The following MRM3 variants were observed in gnomAD, a reference collection of about 807,000 sequenced individuals.
MRM3 encodes mitochondrial rRNA methyltransferase 3, also known as rRNA methyltransferase 3, mitochondrial.
A neutral mutation model predicts 29.4 loss-of-function variants in MRM3; 26 were observed. The observed-to-expected ratio is 0.89, with a 90% CI of 0.65 to 1.23. The LOEUF is 1.23. Among genes scored for constraint, MRM3 ranks in the 50% most tolerant of loss-of-function variants. MRM3 has a pLI of 0.00. For synonymous variants in MRM3, 225 were observed against 219.0 expected (o/e 1.03, Z -0.24); for missense variants, 578 against 540.2 (o/e 1.07, Z -0.69).
intron 2 of MRM3, among the ~76,000 whole-genome samples, chr17:786,680 A>AT (rs1471573807): frequency 2.6e-5 from 4 of 152,058 alleles, no homozygotes; most frequent in Non-Finnish European, 5.9e-5. Flanking sequence ...AAGTGCTGGG[A>AT]TTATAGGCAT....
Position 792,041 on chromosome 17 carries a change from A to C in MRM3, c.1235A>C (p.Asp412Ala). ...AGACAGCTGCGGGGGAGGGCGGAGG[A>C]CTTGAGCAGGGACAGGAGTTACCAC... is the stretch of plus-strand genomic sequence containing the variant. ...GKRQLRGRAE[D>A]LSRDRSYH The change falls in exon 4 of 4, where the codon GAC becomes GCC. Residue 412 changes from aspartate (D) to alanine (A), a missense_variant. Asp to Ala is a moderately radical substitution (Grantham distance 126). Coordinates refer to ENST00000304478, the MANE Select transcript of MRM3 (RefSeq NM_018146.4). 6.2e-7 allele frequency: 1 copy of C among 1,610,450 alleles called. No homozygotes were observed. The highest frequency in any genetic ancestry group is 8.5e-7 in the Non-Finnish European group (1 of 1,178,268).
At chr17:791,506 T>C in intron 3 of MRM3, 28 bp from the exon 4 acceptor site, 2 of 1,601,422 alleles carry the variant, frequency 1.2e-6, no homozygotes, top group Non-Finnish European at 1.7e-6. Flanking sequence ...ATTTGTAACA[T>C]CTTGATTGTT....
chr17:782,453 C>G lies in MRM3; in HGVS notation c.75C>G (p.Asp25Glu). ...AGGTGGTCCAGGCTTGGGACCTTGA[C>G]GCGAGGCGCTGGGTCCGGGCGCTGC... The part of the protein sequence containing the change: ...LLQVVQAWDL[D>E]ARRWVRALRR... Residue 25 changes from aspartate to glutamate, a missense_variant, in exon 1 of 4, where the codon GAC becomes GAG. Transcript: ENST00000304478. 6.2e-7 allele frequency: 1 copy of G among 1,613,900 alleles called. No homozygotes were observed. Among genetic ancestry groups the G allele is most frequent in the Non-Finnish European group, 8.5e-7 (1 of 1,179,928 alleles).
Position 782,550 on chromosome 17 carries a change from C to T in MRM3, c.172C>T (p.Pro58Ser). Reference sequence around the variant, plus strand: ...ACAGAAGCGCGCTCCTGGGAAGCAGCCCCGCAAGGCACCATCTGAGGCCAG... The same window carrying T: ...ACAGAAGCGCGCTCCTGGGAAGCAGTCCCGCAAGGCACCATCTGAGGCCAG... ...VEQKRAPGKQPRKAPSEASAQ... is the reference protein window; with the variant it reads ...VEQKRAPGKQSRKAPSEASAQ... Residue 58 changes from proline (P) to serine (S), a missense_variant, in exon 1 of 4, where the codon CCC becomes TCC. Coordinates refer to ENST00000304478, the MANE Select transcript of MRM3 (RefSeq NM_018146.4). 6.2e-7 allele frequency: 1 copy of T among 1,613,876 alleles called. No individual in the cohort carries two copies. Among genetic ancestry groups the T allele is most frequent in the Non-Finnish European group, 8.5e-7 (1 of 1,179,806 alleles).
At chr17:786,287 T>C (rs1910531125) in intron 2 of MRM3, among the ~76,000 whole-genome samples, 1 of 152,018 alleles carries the variant, frequency 6.6e-6, no homozygotes, top group Non-Finnish European at 1.5e-5. Flanking sequence ...TTTGTTTGTT[T>C]GTTTGAGACG....
At chr17:782,716 G>C in intron 1 of MRM3, 24 bp downstream of exon 1, 8 of 1,570,938 alleles carry the variant, frequency 5.1e-6, no homozygotes, top group Non-Finnish European at 6.9e-6. Context: ...TGAGCCTGTC[G>C]AATGTTCTCG....
At chr17:785,359 T>C (rs1910484899) in intron 2 of MRM3, among the ~76,000 whole-genome samples, 1 of 152,096 alleles carries the variant, frequency 6.6e-6, no homozygotes, top group Non-Finnish European at 1.5e-5. Context: ...ATAAATTCTT[T>C]CCATAAAACT....
intron 1 of MRM3, 39 bp downstream of exon 1, chr17:782,731 C>A: frequency 6.4e-7 from 1 of 1,555,756 alleles, no homozygotes; most frequent in South Asian, 1.2e-5. Context: ...TTCTCGTTTC[C>A]CTTCCCGTCG....
chr17:791,205 T>C (rs1910804260), intron 3 of MRM3, among the ~76,000 whole-genome samples: 1 of 152,188 alleles, frequency 6.6e-6, no homozygotes, highest in African/African-American at 2.4e-5. Context: ...TTACTGATAC[T>C]GTAGCCATCT....
rs1453504904 is a variant in MRM3 at position 792,193 on chromosome 17, TAC to T, written c.*126_*127del. On this transcript the variant is annotated 3_prime_UTR_variant, in exon 4 of 4. Coordinates refer to ENST00000304478, the MANE Select transcript of MRM3 (RefSeq NM_018146.4). ...TCAGGAGGAAGGTGTGATGCCGTCA[TAC>T]AGTTACAGGAAAAATAAGAACTTCC... The T allele has an allele frequency of 3.3e-6, 3 of 906,566 alleles. No individual in the cohort carries two copies. The highest frequency in any genetic ancestry group is 2.6e-5 in the East Asian group (1 of 38,432). 56.2% of individuals were successfully genotyped at this position (906,566 alleles called of 1,614,324 possible).
At position 787,878 on chromosome 17, in the gene MRM3, C is replaced by T; in HGVS notation, c.560-87C>T. ...TTCCTGTATTTTTATGTAACTAAGA[C>T]CATATCAAGATTGATAAGTAAATGA... On this transcript the variant is annotated intron_variant, in intron 2 of 3. Coordinates refer to ENST00000304478, the MANE Select transcript of MRM3 (RefSeq NM_018146.4). The surrounding 1 kb of genome is among the most constrained non-coding windows in gnomAD (Gnocchi z 4.1). 2.3e-6 allele frequency: 3 copies of T among 1,298,312 alleles called. No individual in the cohort carries two copies. The highest frequency in any genetic ancestry group is 1.7e-5 in the Admixed American group (1 of 57,300). 80.4% of individuals were successfully genotyped at this position (1,298,312 alleles called of 1,614,324 possible).
chr17:783,952 CCT>C (rs1448305125), intron 2 of MRM3, among the ~76,000 whole-genome samples: 2 of 152,086 alleles, frequency 1.3e-5, no homozygotes, highest in Non-Finnish European at 2.9e-5. Context: ...TTTTGCAAAA[CCT>C]CTGCCAATGT....
At position 782,560 on chromosome 17, in the gene MRM3, C is replaced by G; in HGVS notation, c.182C>G (p.Ala61Gly). ...KRAPGKQPRK[A>G]PSEASAQEQR... Reference sequence around the variant, plus strand: ...GCTCCTGGGAAGCAGCCCCGCAAGGCACCATCTGAGGCCAGTGCCCAGGAG... The same window carrying G: ...GCTCCTGGGAAGCAGCCCCGCAAGGGACCATCTGAGGCCAGTGCCCAGGAG... The change falls in exon 1 of 4, where the codon GCA (alanine) becomes GGA (glycine). Residue 61 changes from alanine to glycine, a missense_variant. Ala to Gly is a moderately conservative substitution (Grantham distance 60). Transcript: ENST00000304478. 6.2e-7 allele frequency: 1 copy of G among 1,614,058 alleles called. No homozygotes were observed. Among genetic ancestry groups the G allele is most frequent in the Non-Finnish European group, 8.5e-7 (1 of 1,179,940 alleles).
chr17:788,493 T>TTTTA (rs1269466169), intron 3 of MRM3, among the ~76,000 whole-genome samples: 10 of 149,210 alleles, frequency 6.7e-5, no homozygotes, highest in African/African-American at 2.2e-4. Flanking sequence ...TTTTTTTTTT[T>TTTTA]ATTAAAGAGA....
intron 3 of MRM3, chr17:789,618 T>C (rs1003342025): frequency 6.6e-6 from 1 of 152,198 alleles, no homozygotes; most frequent in African/African-American, 2.4e-5. Flanking sequence ...TTGCCTAAAT[T>C]GCTGCTCGCA....
chr17:792,007 G>T lies in MRM3; in HGVS notation c.1201G>T (p.Glu401Ter). The change falls in exon 4 of 4, where the codon GAA (glutamate) becomes TAA (stop). Residue 401 changes from glutamate to a stop codon, truncating the protein, a stop_gained. Coordinates refer to ENST00000304478, the MANE Select transcript of MRM3 (RefSeq NM_018146.4). LOFTEE classifies it high-confidence loss of function. ...SAMAASILLF[E>*]GKRQLRGRAE... ...CATGGCGGCAAGCATCCTGCTTTTC[G>T]AAGGGAAAAGACAGCTGCGGGGGAG... 1 of 1,613,832 alleles carries T rather than the reference G, an allele frequency of 6.2e-7. No homozygotes were observed. The highest frequency in any genetic ancestry group is 8.5e-7 in the Non-Finnish European group (1 of 1,180,010).
Position 787,105 on chromosome 17 carries a change from G to A in MRM3, c.560-860G>A, listed in dbSNP as rs1307315563. On this transcript the variant is annotated intron_variant, in intron 2 of 3. Coordinates refer to ENST00000304478, the MANE Select transcript of MRM3 (RefSeq NM_018146.4). The surrounding 1 kb of genome is among the most constrained non-coding windows in gnomAD (Gnocchi z 4.1). The stretch of plus-strand genomic sequence containing the variant: ...TAAAAATACAAAAAATTAGCCGGGT[G>A]TGGTTGCGGGTGCCTGTAATCCCAG... Among the ~76,000 whole-genome samples the A allele has an allele frequency of 1.3e-5, 2 of 152,126 alleles. No homozygotes were observed. The highest frequency in any genetic ancestry group is 2.9e-5 in the Non-Finnish European group (2 of 68,028).
In MRM3 at chr17:791,826, G is replaced by GAGTTACGA; in HGVS notation, c.1021_1028dup (p.Asp343GlufsTer15). 2 of 1,614,204 alleles carry GAGTTACGA rather than the reference G, an allele frequency of 1.2e-6. No individual in the cohort carries two copies. The highest frequency in any genetic ancestry group is 2.2e-5 in the South Asian group (2 of 91,088). On this transcript the variant is annotated frameshift_variant, in exon 4 of 4. Coordinates refer to ENST00000304478, the MANE Select transcript of MRM3 (RefSeq NM_018146.4). LOFTEE classifies it high-confidence loss of function. Reference sequence around the variant, plus strand: ...ATTGGCTGCCTCATGTTGAGGTTCAGAGTTACGACTCGGACTGGACAGAGG... The same window carrying GAGTTACGA: ...ATTGGCTGCCTCATGTTGAGGTTCAGAGTTACGAAGTTACGACTCGGACTGGACAGAGG...
chr17:787,992 A>C lies in MRM3; in HGVS notation c.587A>C (p.Lys196Thr). 1 of 1,614,040 alleles carries C rather than the reference A, an allele frequency of 6.2e-7. No homozygotes were observed. The highest frequency in any genetic ancestry group is 1.1e-5 in the South Asian group (1 of 91,060). Residue 196 changes from lysine to threonine, a missense_variant, in exon 3 of 4, where the codon AAG (lysine) becomes ACG (threonine). Physicochemically the swap from Lys to Thr is moderately conservative, Grantham distance 78. Coordinates refer to ENST00000304478, the MANE Select transcript of MRM3 (RefSeq NM_018146.4). The surrounding 1 kb of genome is among the most constrained non-coding windows in gnomAD (Gnocchi z 4.1). ...MGIFAKPDHV[K>T]MTYPKTQLQH... ...ATTTTTGCCAAGCCTGACCATGTTAAGATGACATATCCAAAGACTCAGCTT... is the reference window on the plus strand; with the variant it reads ...ATTTTTGCCAAGCCTGACCATGTTACGATGACATATCCAAAGACTCAGCTT...
Sources: allele counts gnomAD v4.1 joint callset (sites outside exome capture counted in the v4.1 genomes callset), GRCh38; gene constraint gnomAD v4.1.1; non-coding constraint Gnocchi (gnomAD v3.1); transcripts MANE v1.5; gene names NCBI Gene and HGNC (gene_info 2026-07-23, HGNC 2026-07-21).